Variants in UBA6 observed in about 807,000 individuals in gnomAD.
The protein encoded by UBA6 is ubiquitin-like modifier-activating enzyme 6.
In UBA6, 87 loss-of-function variants were observed where a neutral mutation model predicts 148.3. The ratio of observed to expected loss-of-function variants is 0.59; its 90% CI spans 0.49 to 0.70. The LOEUF (loss-of-function observed/expected upper bound fraction) is 0.70, where lower values mean the gene tolerates loss of function less well. Ranked by LOEUF, UBA6 falls within the 30% of genes least tolerant of loss-of-function variation. UBA6 has a pLI of 0.00. For missense variants in UBA6, 1,186 were observed against 1,241.2 expected, an observed-to-expected ratio of 0.96 and a Z score of 0.67; for synonymous variants, 376 against 401.0, an observed-to-expected ratio of 0.94 and a Z score of 0.75.
At chr4:67,685,781 G>T (rs1481286116) in intron 2 of UBA6, among the ~76,000 whole-genome samples, 1 of 152,030 alleles carries the variant, frequency 6.6e-6, no homozygotes, top group African/African-American at 2.4e-5. Flanking sequence ...GCCCCCTATT[G>T]CCCTCTCTTA....
chr4:67,661,912 AAC>A (rs1183577606), intron 13 of UBA6: 6 of 425,546 alleles, frequency 1.4e-5, no homozygotes, highest in East Asian at 1.0e-4. Context: ...GAATAATAGT[AAC>A]AGTTAAAAAA....
intron 7 of UBA6, among the ~76,000 whole-genome samples, chr4:67,671,145 A>G (rs1439312111): frequency 2.6e-5 from 4 of 152,184 alleles, no homozygotes; most frequent in African/African-American, 9.6e-5. Context: ...TATTAAAAGC[A>G]ATTTTTCTAA....
chr4:67,691,499 T>C (rs1730693028), intron 2 of UBA6, among the ~76,000 whole-genome samples: 1 of 152,208 alleles, frequency 6.6e-6, no homozygotes, highest in South Asian at 2.1e-4. Context: ...ACTCTATTCA[T>C]CTTTGCCTGA....
intron 14 of UBA6, 48 bp from the exon 15 acceptor site, chr4:67,646,839 A>G (rs1413249174): frequency 7.9e-7 from 1 of 1,268,066 alleles, no homozygotes; most frequent in Non-Finnish European, 1.1e-6. Flanking sequence ...AAAACAAATT[A>G]CTATAAAAAG....
chr4:67,643,582 A>C (rs1205093905), intron 17 of UBA6, among the ~76,000 whole-genome samples: 1 of 152,048 alleles, frequency 6.6e-6, no homozygotes, highest in Non-Finnish European at 1.5e-5. Context: ...AGTTTTGGAC[A>C]AACATTCAAG....
chr4:67,648,798 C>G (rs144071858), intron 14 of UBA6, among the ~76,000 whole-genome samples: 77 of 152,144 alleles, frequency 5.1e-4, no homozygotes, highest in Non-Finnish European at 9.0e-4. Flanking sequence ...GAACAATTAC[C>G]TATAAGGATA....
intron 11 of UBA6, chr4:67,663,609 GT>G: frequency 2.2e-6 from 1 of 447,036 alleles, no homozygotes; most frequent in Non-Finnish European, 4.0e-6. Flanking sequence ...CTTTGTACAA[GT>G]TATTGAAATC....
intron 25 of UBA6, among the ~76,000 whole-genome samples, chr4:67,631,253 T>C (rs1480905098): frequency 1.3e-5 from 2 of 152,248 alleles, no homozygotes; most frequent in South Asian, 2.1e-4. Context: ...TACACACAAG[T>C]GTGAATCTAA....
Position 67,624,112 on chromosome 4 carries a change from A to C in UBA6, c.2840+14T>G. ...CATTCTCATTATACAAGAGAAATAGACTTTCATACATACCTGATTTTAGTT... is the reference window on the plus strand; with the variant it reads ...CATTCTCATTATACAAGAGAAATAGCCTTTCATACATACCTGATTTTAGTT... On this transcript the variant is annotated intron_variant, in intron 30 of 32. Transcript: ENST00000322244. The C allele has an allele frequency of 1.9e-6, 3 of 1,550,012 alleles. No individual in the cohort carries two copies. Among genetic ancestry groups the C allele is most frequent in the Non-Finnish European group, 2.6e-6 (3 of 1,150,684 alleles).
chr4:67,614,795 T>C lies in UBA6; in HGVS notation c.*4202A>G, dbSNP rs985037002. The C allele has an allele frequency of 2.0e-5, 3 of 152,140 alleles. No homozygotes were observed. In the East Asian group the frequency reaches 5.8e-4, roughly 29 times the overall value. 9.4% of individuals were successfully genotyped at this position (152,140 alleles called of 1,614,324 possible). A position where few individuals can be genotyped will look rare whatever the true frequency, so the allele number is the denominator to read the frequency against. On this transcript the variant is annotated 3_prime_UTR_variant, in exon 33 of 33. Coordinates refer to ENST00000322244, the MANE Select transcript of UBA6 (RefSeq NM_018227.6). ...GCAAGCCACAAATTGGGAGAAGATA[T>C]TGGCAACTATACAGCCAACAAAGAA...
At chr4:67,699,040 A>C (rs943964664) in intron 1 of UBA6, among the ~76,000 whole-genome samples, 1 of 152,184 alleles carries the variant, frequency 6.6e-6, no homozygotes, top group African/African-American at 2.4e-5. Flanking sequence ...CTAAATATGC[A>C]AATCTGACAA....
chr4:67,696,737 TC>T, intron 1 of UBA6, 30 bp from the exon 2 acceptor site: 1 of 1,544,888 alleles, frequency 6.5e-7, no homozygotes, highest in Non-Finnish European at 8.9e-7. Context: ...TATTAAATAT[TC>T]ACATTTTATA....
At chr4:67,644,271 T>G (rs1418869437) in intron 17 of UBA6, among the ~76,000 whole-genome samples, 1 of 152,244 alleles carries the variant, frequency 6.6e-6, no homozygotes, top group Admixed American at 6.5e-5. Flanking sequence ...CCCACTACTT[T>G]TAATACTCTT....
intron 13 of UBA6, among the ~76,000 whole-genome samples, chr4:67,651,760 T>C (rs1296332110): frequency 1.3e-5 from 2 of 151,652 alleles, no homozygotes; most frequent in African/African-American, 2.4e-5. Flanking sequence ...ATGAAGACAA[T>C]AGAGTACAGA....
chr4:67,649,077 C>A lies in UBA6; in HGVS notation c.1239G>T (p.Leu413Phe). ...AAAACTCAGAACTAACCCACTGGCA[C>A]AAAGGAGAAAATTTTCCTGTTACAG... ...LKAVTGKFSP[L>F]CQWLYLEAAD... The change falls in exon 14 of 33, where the codon TTG (leucine) becomes TTT (phenylalanine). Residue 413 changes from leucine to phenylalanine, a missense_variant. By Grantham distance (22) the Leu-to-Phe change is conservative. Transcript: ENST00000322244. The A allele has an allele frequency of 6.2e-7, 1 of 1,613,490 alleles. No homozygotes were observed. The highest frequency in any genetic ancestry group is 2.2e-5 in the East Asian group (1 of 44,856).
intron 27 of UBA6, among the ~76,000 whole-genome samples, chr4:67,628,396 C>A (rs563282692): frequency 3.0e-4 from 46 of 151,976 alleles, no homozygotes; most frequent in African/African-American, 1.1e-3. Context: ...CAAGGCCTTT[C>A]TCTGCACTTA....
chr4:67,649,193 T>A lies in UBA6; in HGVS notation c.1123A>T (p.Ile375Phe), dbSNP rs1317954122. The A allele has an allele frequency of 1.9e-6, 3 of 1,611,288 alleles. No individual in the cohort carries two copies. The highest frequency in any genetic ancestry group is 2.2e-5 in the East Asian group (1 of 44,860). The change falls in exon 14 of 33, where the codon ATT (isoleucine) becomes TTT (phenylalanine). Residue 375 changes from isoleucine (I) to phenylalanine (F), a missense_variant. By Grantham distance (21) the Ile-to-Phe change is conservative. Transcript: ENST00000322244. ...LEEKPDVNAD[I>F]VHWLSWTAQG... ...GCAGTCCAAGAGAGCCAATGCACAATGTCAGCATTTACATCAGGCTAAAAC... is the reference window on the plus strand; with the variant it reads ...GCAGTCCAAGAGAGCCAATGCACAAAGTCAGCATTTACATCAGGCTAAAAC...
At chr4:67,693,156 A>T (rs1730735408) in intron 2 of UBA6, among the ~76,000 whole-genome samples, 1 of 152,092 alleles carries the variant, frequency 6.6e-6, no homozygotes, top group Non-Finnish European at 1.5e-5. Context: ...CCCTAAGACA[A>T]CAAAACCAAC....
chr4:67,650,232 TACAC>T (rs1235662158), intron 13 of UBA6, among the ~76,000 whole-genome samples: 3 of 152,190 alleles, frequency 2.0e-5, no homozygotes, highest in Non-Finnish European at 4.4e-5. Flanking sequence ...ATTAAGTCCT[TACAC>T]AACCTTCAAA....
Sources: gnomAD v4.1 joint callset for allele counts (sites outside exome capture counted in the v4.1 genomes callset) on GRCh38, gnomAD v4.1.1 for gene constraint, MANE v1.5 for transcripts, NCBI Gene and HGNC (gene_info 2026-07-23, HGNC 2026-07-21) for gene names.